RFLNA: variants seen among roughly 807,000 people sequenced by gnomAD.
The protein encoded by RFLNA is refilin-A.
A neutral mutation model predicts 7.8 loss-of-function variants in RFLNA; 5 were observed. The observed-to-expected ratio is 0.64, with a 90% CI of 0.34 to 1.35. The LOEUF (loss-of-function observed/expected upper bound fraction) is 1.35. Among genes scored for constraint, RFLNA ranks in the 40% most tolerant of loss-of-function variants. The pLI, the probability that RFLNA is intolerant of heterozygous loss-of-function variation, is 0.04. For missense variants in RFLNA, 278 were observed against 305.5 expected (o/e 0.91, Z 0.67); for synonymous variants, 141 against 131.3 (o/e 1.07, Z -0.50).
rs1372434780 is a variant in RFLNA, at chr12:124,315,261, AGGTT to A, written c.*740_*743del. The A allele has an allele frequency of 6.4e-6, 1 of 155,590 alleles. No homozygotes were observed. The highest frequency in any genetic ancestry group is 1.4e-5 in the Non-Finnish European group (1 of 70,208). The allele number at this position is 155,590 out of a possible 1,614,324, so 9.6% of individuals were successfully genotyped here. A position where few individuals can be genotyped will look rare whatever the true frequency, so the allele number is the denominator to read the frequency against. On this transcript the variant is annotated 3_prime_UTR_variant, in exon 3 of 3. Coordinates refer to ENST00000546355, the MANE Select transcript of RFLNA (RefSeq NM_001365156.1). ...TGGGGCACTGCCCGTCGAAATGGAA[AGGTT>A]GGTGCTCAGCCTCTGGAGCCTCACC... is the stretch of plus-strand genomic sequence containing the variant.
rs2034143299 is a variant in RFLNA at position 124,306,715 on chromosome 12, G to T, written c.208-5103G>T. On this transcript the variant is annotated intron_variant, in intron 1 of 2. Transcript: ENST00000546355. This position sits in a 1 kb window ranked among gnomAD's most constrained non-coding sequence, Gnocchi z 5.2. ...GTTTTTTATAAGGATCAGATGAGTA[G>T]GATATGTGGCGAGTGCCCAGAATGG... Among the ~76,000 whole-genome samples the T allele has an allele frequency of 6.6e-6, 1 of 152,196 alleles. No individual in the cohort carries two copies. The highest frequency in any genetic ancestry group is 2.4e-5 in the African/African-American group (1 of 41,452).
intron 1 of RFLNA, among the ~76,000 whole-genome samples, chr12:124,299,144 A>G (rs958592502): frequency 6.6e-6 from 1 of 152,234 alleles, no homozygotes; most frequent in African/African-American, 2.4e-5. Flanking sequence ...ACACTCCCCA[A>G]ATTAGAAACT....
rs192583732 is a variant in RFLNA at position 124,299,195 on chromosome 12, G to A, written c.207+3559G>A. Reference sequence around the variant, plus strand: ...AGTGAGGAGGGTGCCCGTGCGGGACGCAGAATGTGGCCATTTTGCATCAGT... The same window carrying A: ...AGTGAGGAGGGTGCCCGTGCGGGACACAGAATGTGGCCATTTTGCATCAGT... On this transcript the variant is annotated intron_variant, in intron 1 of 2. Transcript: ENST00000546355. Among the ~76,000 whole-genome samples the A allele has an allele frequency of 2.2e-4, 34 of 152,366 alleles. No individual in the cohort carries two copies. In the East Asian group the frequency reaches 6.4e-3, roughly 29 times the overall value.
chr12:124,314,947 T>A lies in RFLNA; in HGVS notation c.*422T>A. On this transcript the variant is annotated 3_prime_UTR_variant, in exon 3 of 3. Coordinates refer to ENST00000546355, the MANE Select transcript of RFLNA (RefSeq NM_001365156.1). ...ACTCCCCCAGAGCCCTGCCACCCCA[T>A]GTGTCCTAGGCTGGTGGCCAAGGCC... The A allele has an allele frequency of 5.5e-6, 2 of 363,768 alleles. No individual in the cohort carries two copies. Among genetic ancestry groups the A allele is most frequent in the South Asian group, 2.1e-5 (1 of 47,282 alleles). The allele number at this position is 363,768 out of a possible 1,614,324, so 22.5% of individuals were successfully genotyped here. A position where few individuals can be genotyped will look rare whatever the true frequency, so the allele number is the denominator to read the frequency against.
upstream of RFLNA, among the ~76,000 whole-genome samples, chr12:124,294,663 G>T (rs963782491): frequency 2.0e-5 from 3 of 152,246 alleles, no homozygotes; most frequent in East Asian, 3.8e-4. Flanking sequence ...GCTGGCCCTG[G>T]GTGTGCGGGT....
chr12:124,311,476 G>GGGA (rs1309749109), intron 1 of RFLNA, among the ~76,000 whole-genome samples: 9 of 152,356 alleles, frequency 5.9e-5, no homozygotes, highest in African/African-American at 2.2e-4. Flanking sequence ...AGAGCACAGA[G>GGGA]GGATCCCAGT....
At chr12:124,308,217 G>C (rs1196241411) in intron 1 of RFLNA, among the ~76,000 whole-genome samples, 1 of 152,168 alleles carries the variant, frequency 6.6e-6, no homozygotes, top group African/African-American at 2.4e-5. Flanking sequence ...CCTGACCTCA[G>C]GTGATCCACC....
At chr12:124,313,039 G>T (rs2034281317) in intron 2 of RFLNA, among the ~76,000 whole-genome samples, 1 of 152,316 alleles carries the variant, frequency 6.6e-6, no homozygotes, top group African/African-American at 2.4e-5. Context: ...GCCAGGCAAT[G>T]GTCCCAGGAG....
rs145194504 is a variant in RFLNA, at chr12:124,289,533, G to A, written c.-37+163G>A. ...ACGCACATACAAATGGCAGCAGAAC[G>A]TATGCCCAGGTCAAAGGCACTTTGA... On this transcript the variant is annotated intron_variant, in intron 1 of 2. Transcript: ENST00000324038. This position sits in a 1 kb window ranked among gnomAD's most constrained non-coding sequence, Gnocchi z 5.0. Among the ~76,000 whole-genome samples the A allele has an allele frequency of 4.2e-3, 633 of 152,318 alleles. 4 individuals are homozygous for A. Among genetic ancestry groups the A allele is most frequent in the African/African-American group, 0.014 (589 of 41,570 alleles).
At chr12:124,303,124 C>T (rs182449225) in intron 1 of RFLNA, among the ~76,000 whole-genome samples, 3 of 152,338 alleles carry the variant, frequency 2.0e-5, no homozygotes, top group Admixed American at 6.5e-5. Context: ...GGCTGTGCCT[C>T]CCTGTGAGTC....
chr12:124,302,759 C>T (rs901812992), intron 1 of RFLNA, among the ~76,000 whole-genome samples: 2 of 121,854 alleles, frequency 1.6e-5, no homozygotes, highest in Non-Finnish European at 3.6e-5. Context: ...GGGTTCTCAC[C>T]GCCAGGGAGG....
chr12:124,308,431 T>TGG (rs141607639), intron 1 of RFLNA, among the ~76,000 whole-genome samples: 5 of 151,862 alleles, frequency 3.3e-5, no homozygotes, highest in Admixed American at 1.3e-4. Context: ...ACATGGGCTT[T>TGG]GGGGGGGGAC....
intron 1 of RFLNA, among the ~76,000 whole-genome samples, chr12:124,304,994 A>G (rs1057055223): frequency 6.6e-5 from 10 of 151,888 alleles, no homozygotes; most frequent in African/African-American, 2.4e-4. Flanking sequence ...GGGAGTGTGT[A>G]TTATTTCTAA....
intron 1 of RFLNA, among the ~76,000 whole-genome samples, chr12:124,309,946 A>T (rs1412995237): frequency 6.6e-6 from 1 of 152,076 alleles, no homozygotes; most frequent in Non-Finnish European, 1.5e-5. Flanking sequence ...GGGTAGGAGG[A>T]TCACTTGAGC....
intron 1 of RFLNA, among the ~76,000 whole-genome samples, chr12:124,296,677 A>C (rs1847935810): frequency 6.6e-6 from 1 of 152,222 alleles, no homozygotes; most frequent in Non-Finnish European, 1.5e-5. Flanking sequence ...CTCAAGCCTC[A>C]GGATATGACC....
In RFLNA at chr12:124,306,369, G is replaced by A. The variant is rs2034137410; in HGVS notation, c.208-5449G>A. On this transcript the variant is annotated intron_variant, in intron 1 of 2. Coordinates refer to ENST00000546355, the MANE Select transcript of RFLNA (RefSeq NM_001365156.1). The surrounding 1 kb of genome is among the most constrained non-coding windows in gnomAD (Gnocchi z 5.2). ...GCCCAAGCGAGAAGCAGCCAGTGCA[G>A]CAGGGAACAGCGGGAACACCGAGGC... is the stretch of plus-strand genomic sequence containing the variant. Among the ~76,000 whole-genome samples the A allele has an allele frequency of 1.3e-5, 2 of 152,322 alleles. No homozygotes were observed. The highest frequency in any genetic ancestry group is 2.1e-4 in the South Asian group (1 of 4,826).
chr12:124,290,715 G>A (rs529305441), upstream of RFLNA, among the ~76,000 whole-genome samples: 1 of 152,208 alleles, frequency 6.6e-6, no homozygotes, highest in Non-Finnish European at 1.5e-5. This position sits in a 1 kb window ranked among gnomAD's most constrained non-coding sequence, Gnocchi z 4.0. Flanking sequence ...GCCCAGCTGA[G>A]CCTGCGAAAA....
chr12:124,289,521 T>C lies in RFLNA; in HGVS notation c.-37+151T>C, dbSNP rs1426890963. ...GCTGTCCTGGACACGCACATACAAA[T>C]GGCAGCAGAACGTATGCCCAGGTCA... On this transcript the variant is annotated intron_variant, in intron 1 of 2. Coordinates refer to the RFLNA transcript ENST00000324038. This position sits in a 1 kb window ranked among gnomAD's most constrained non-coding sequence, Gnocchi z 5.0. Among the ~76,000 whole-genome samples the C allele has an allele frequency of 1.3e-5, 2 of 152,166 alleles. No homozygotes were observed. Among genetic ancestry groups the C allele is most frequent in the Non-Finnish European group, 2.9e-5 (2 of 68,038 alleles).
At chr12:124,296,528 T>A (rs1050508634) in intron 1 of RFLNA, among the ~76,000 whole-genome samples, 7 of 145,256 alleles carry the variant, frequency 4.8e-5, no homozygotes, top group Non-Finnish European at 1.1e-4. Context: ...TTAACAGCTT[T>A]ACTGCTGGGG....
Sources: gnomAD v4.1 joint callset for allele counts (sites outside exome capture counted in the v4.1 genomes callset) on GRCh38, gnomAD v4.1.1 for gene constraint, Gnocchi (gnomAD v3.1) non-coding constraint, MANE v1.5 for transcripts, NCBI Gene and HGNC (gene_info 2026-07-23, HGNC 2026-07-21) for gene names.